The following CCSER1 variants were observed in gnomAD, a reference collection of about 807,000 sequenced individuals.
CCSER1 encodes serine-rich coiled-coil domain-containing protein 1.
Under a neutral mutation model 82.0 loss-of-function variants are expected in CCSER1, and 41 were observed. That is an observed-to-expected ratio of 0.50 (90% CI 0.39 to 0.65). The LOEUF (loss-of-function observed/expected upper bound fraction) is 0.65, where lower values mean the gene tolerates loss of function less well. Ranked by LOEUF, CCSER1 falls within the 30% of genes least tolerant of loss-of-function variation. The probability of loss-of-function intolerance (pLI) is 0.00; values close to 1 mark genes in which losing one functional copy is unlikely to be tolerated. For synonymous variants in CCSER1, 414 were observed against 383.9 expected (o/e 1.08, Z -0.92); for missense variants, 1,119 against 1,064.2 (o/e 1.05, Z -0.72).
intron 5 of CCSER1, among the ~76,000 whole-genome samples, chr4:90,591,014 G>A (rs536544305): frequency 4.6e-4 from 70 of 152,098 alleles, no homozygotes; most frequent in Non-Finnish European, 7.1e-4. Context: ...GGTCCTTCAC[G>A]TCCCTTGTAA....
At chr4:90,255,324 C>T (rs1039716021) in intron 1 of CCSER1, among the ~76,000 whole-genome samples, 2 of 151,852 alleles carry the variant, frequency 1.3e-5, no homozygotes, top group Non-Finnish European at 2.9e-5. Flanking sequence ...TAGAAGGTTG[C>T]TTGGTGACCA....
intron 10 of CCSER1, among the ~76,000 whole-genome samples, chr4:91,379,738 T>C (rs917720141): frequency 6.6e-5 from 10 of 152,232 alleles, no homozygotes; most frequent in African/African-American, 2.4e-4. Context: ...TTTTTGTGTC[T>C]CTATCTCCTT....
chr4:90,648,304 A>AG (rs201947294), intron 6 of CCSER1, among the ~76,000 whole-genome samples: 4 of 140,610 alleles, frequency 2.8e-5, no homozygotes, highest in African/African-American at 1.3e-4. Flanking sequence ...AAAGAAAGAA[A>AG]GAAAGAAAGA....
At chr4:90,840,716 AG>A (rs1291428625) in intron 8 of CCSER1, among the ~76,000 whole-genome samples, 6 of 152,110 alleles carry the variant, frequency 3.9e-5, no homozygotes, top group Admixed American at 3.9e-4. Flanking sequence ...TGCAGCAAGA[AG>A]CACCCTCATC....
intron 10 of CCSER1, among the ~76,000 whole-genome samples, chr4:91,292,440 G>T (rs373996105): frequency 1.5e-4 from 23 of 151,644 alleles, no homozygotes; most frequent in Non-Finnish European, 1.6e-4. Flanking sequence ...TTATGCTTAC[G>T]CTAGATTACT....
chr4:90,151,388 A>C (rs2153351197), intron 1 of CCSER1, among the ~76,000 whole-genome samples: 1 of 152,170 alleles, frequency 6.6e-6, no homozygotes, highest in South Asian at 2.1e-4. Context: ...CTTAATATTC[A>C]ATTGTTTTAA....
chr4:91,307,524 G>A (rs191289558), intron 10 of CCSER1, among the ~76,000 whole-genome samples: 174 of 151,926 alleles, frequency 1.1e-3, no homozygotes, highest in Non-Finnish European at 2.0e-3. Flanking sequence ...CTGCAACTTG[G>A]TATACTTATA....
chr4:91,040,990 A>G (rs566369525), intron 9 of CCSER1, among the ~76,000 whole-genome samples: 4 of 152,318 alleles, frequency 2.6e-5, no homozygotes, highest in African/African-American at 9.6e-5. Context: ...ACAAATCTTT[A>G]TTATTATTTT....
intron 7 of CCSER1, among the ~76,000 whole-genome samples, chr4:90,731,959 A>G (rs1744817480): frequency 6.6e-6 from 1 of 151,806 alleles, no homozygotes; most frequent in South Asian, 2.1e-4. Flanking sequence ...CAGGTGAGGT[A>G]GACTCCCAGG....
intron 1 of CCSER1, among the ~76,000 whole-genome samples, chr4:90,156,333 A>G (rs1016024239): frequency 6.6e-6 from 1 of 152,172 alleles, no homozygotes; most frequent in African/African-American, 2.4e-5. Context: ...GTGGTGCTGA[A>G]AAAAATGTGT....
At chr4:91,520,892 AT>A (rs1475341581) in intron 10 of CCSER1, among the ~76,000 whole-genome samples, 2 of 151,978 alleles carry the variant, frequency 1.3e-5, no homozygotes, top group Admixed American at 1.3e-4. Context: ...TCATTTATTC[AT>A]TTTTTTATTA....
At chr4:91,321,749 A>G (rs1421690199) in intron 10 of CCSER1, among the ~76,000 whole-genome samples, 1 of 152,076 alleles carries the variant, frequency 6.6e-6, no homozygotes, top group African/African-American at 2.4e-5. Context: ...ACCTTTGAGC[A>G]TGCATGCCTT....
chr4:91,002,413 G>A (rs377041676), intron 9 of CCSER1, among the ~76,000 whole-genome samples: 69 of 152,166 alleles, frequency 4.5e-4, no homozygotes, highest in African/African-American at 1.4e-3. Flanking sequence ...GTTGTTTAAC[G>A]TAGTCCCAAA....
chr4:90,434,767 T>G (rs1267990160), intron 4 of CCSER1, among the ~76,000 whole-genome samples: 2 of 152,192 alleles, frequency 1.3e-5, no homozygotes, highest in East Asian at 1.9e-4. Flanking sequence ...CTTTATCTTA[T>G]TAGTAGTTGG....
chr4:91,435,784 T>A (rs577450688), intron 10 of CCSER1, among the ~76,000 whole-genome samples: 1 of 152,356 alleles, frequency 6.6e-6, no homozygotes, highest in East Asian at 1.9e-4. Context: ...CATGCTTTCA[T>A]GTAAAACAAT....
At chr4:90,521,353 G>A (rs1239985377) in intron 5 of CCSER1, among the ~76,000 whole-genome samples, 1 of 152,104 alleles carries the variant, frequency 6.6e-6, no homozygotes, top group African/African-American at 2.4e-5. Flanking sequence ...TGTCGGAAAG[G>A]GTAGGTAGAG....
intron 9 of CCSER1, among the ~76,000 whole-genome samples, chr4:90,948,158 C>T (rs1003750989): frequency 2.0e-5 from 3 of 151,552 alleles, no homozygotes; most frequent in Non-Finnish European, 2.9e-5. Flanking sequence ...AATTAATTTG[C>T]GAATTCCTAC....
At chr4:90,389,645 G>GCACA (rs986617770) in intron 3 of CCSER1, among the ~76,000 whole-genome samples, 7 of 152,128 alleles carry the variant, frequency 4.6e-5, no homozygotes, top group Non-Finnish European at 1.0e-4. Context: ...ATCAGATGGA[G>GCACA]CACAAAGAGT....
At chr4:90,699,914 C>T (rs575329774) in intron 6 of CCSER1, among the ~76,000 whole-genome samples, 1 of 152,034 alleles carries the variant, frequency 6.6e-6, no homozygotes, top group African/African-American at 2.4e-5. Flanking sequence ...AGCTAGCAGG[C>T]ACCGTCTATG....
Sources: gnomAD v4.1 joint callset for allele counts (sites outside exome capture counted in the v4.1 genomes callset) on GRCh38, gnomAD v4.1.1 for gene constraint, MANE v1.5 for transcripts, NCBI Gene and HGNC (gene_info 2026-07-23, HGNC 2026-07-21) for gene names.